The following DMRT1 variants were observed in gnomAD, a reference collection of about 807,000 sequenced individuals.
The protein encoded by DMRT1 is doublesex and mab-3 related transcription factor 1.
DMRT1 carries 7 observed loss-of-function variants against 32.3 expected under a neutral mutation model. That is an observed-to-expected ratio of 0.22 (90% CI 0.12 to 0.41). DMRT1 has a LOEUF of 0.41. Ranked by LOEUF, DMRT1 falls within the 10% of genes least tolerant of loss-of-function variation. The pLI, the probability that DMRT1 is intolerant of heterozygous loss-of-function variation, is 1.00. For missense variants in DMRT1, 625 were observed against 500.5 expected, an observed-to-expected ratio of 1.25 and a Z score of -2.37; for synonymous variants, 278 against 206.1, an observed-to-expected ratio of 1.35 and a Z score of -2.99.
At chr9:917,079 T>G (rs1818208735) in intron 4 of DMRT1, among the ~76,000 whole-genome samples, 172 bp downstream of exon 4, 1 of 152,242 alleles carries the variant, frequency 6.6e-6, no homozygotes, top group African/African-American at 2.4e-5. Context: ...ATGACTTTGC[T>G]ATGCTTGATT....
intron 4 of DMRT1, among the ~76,000 whole-genome samples, chr9:951,959 G>C (rs1316138051): frequency 6.6e-6 from 1 of 152,182 alleles, no homozygotes; most frequent in African/African-American, 2.4e-5. Context: ...TGCCTGTTTT[G>C]AGCTAAGGAG....
chr9:968,169 T>TG lies in DMRT1; in HGVS notation c.*32dup. Reference sequence around the variant, plus strand: ...TGCCTGCTGCCGATGGCGGTTCACTTGGAGTAACAGGCTTATTCCACTTTC... The same window carrying TG: ...TGCCTGCTGCCGATGGCGGTTCACTTGGGAGTAACAGGCTTATTCCACTTTC... On this transcript the variant is annotated 3_prime_UTR_variant, in exon 5 of 5. Coordinates refer to ENST00000382276, the MANE Select transcript of DMRT1 (RefSeq NM_021951.3). The TG allele has an allele frequency of 6.2e-7, 1 of 1,613,226 alleles. No individual in the cohort carries two copies. The highest frequency in any genetic ancestry group is 8.5e-7 in the Non-Finnish European group (1 of 1,179,826).
intron 4 of DMRT1, among the ~76,000 whole-genome samples, chr9:956,020 C>G (rs558997255): frequency 2.0e-5 from 3 of 152,280 alleles, no homozygotes; most frequent in Non-Finnish European, 4.4e-5. Flanking sequence ...GGATGCAACG[C>G]AAATGACCAT....
chr9:854,789 A>G (rs943188296), intron 2 of DMRT1, among the ~76,000 whole-genome samples: 1 of 87,254 alleles, frequency 1.1e-5, no homozygotes, highest in Non-Finnish European at 2.5e-5. Context: ...TTTTTGAAAC[A>G]GAGTCTCACT....
chr9:908,855 A>G (rs1175039959), intron 3 of DMRT1, among the ~76,000 whole-genome samples: 2 of 151,958 alleles, frequency 1.3e-5, no homozygotes, highest in African/African-American at 4.8e-5. Context: ...TCCTGGGCGC[A>G]TTTGGAGGGA....
chr9:922,886 T>C (rs1220433625), intron 4 of DMRT1, among the ~76,000 whole-genome samples: 1 of 145,104 alleles, frequency 6.9e-6, no homozygotes. Context: ...ATCTACATTT[T>C]ACCCAAAGGT....
intron 4 of DMRT1, among the ~76,000 whole-genome samples, chr9:930,475 G>A (rs554291406): frequency 2.6e-5 from 4 of 151,804 alleles, no homozygotes; most frequent in African/African-American, 7.3e-5. Context: ...GCAGTGGTGC[G>A]ATCTCGGCTC....
chr9:849,810 A>T (rs571859325), intron 2 of DMRT1, among the ~76,000 whole-genome samples: 2 of 126,886 alleles, frequency 1.6e-5, no homozygotes, highest in South Asian at 3.2e-4. Context: ...TCTGAGGACG[A>T]TGGGCTCTCT....
At chr9:858,017 A>C (rs1295592979) in intron 2 of DMRT1, among the ~76,000 whole-genome samples, 1 of 151,794 alleles carries the variant, frequency 6.6e-6, no homozygotes, top group Non-Finnish European at 1.5e-5. Context: ...TTCTTAATCC[A>C]GTCTATTATT....
intron 2 of DMRT1, among the ~76,000 whole-genome samples, chr9:859,961 G>T (rs932352073): frequency 6.6e-6 from 1 of 152,178 alleles, no homozygotes; most frequent in African/African-American, 2.4e-5. Context: ...AAAAATTGCC[G>T]TTAACTACCC....
At chr9:927,266 A>G (rs554586944) in intron 4 of DMRT1, among the ~76,000 whole-genome samples, 1 of 152,366 alleles carries the variant, frequency 6.6e-6, no homozygotes, top group Non-Finnish European at 1.5e-5. Flanking sequence ...GAGCAGGAAC[A>G]GTTAAGATTT....
intron 2 of DMRT1, among the ~76,000 whole-genome samples, chr9:864,128 C>T (rs989021363): frequency 8.5e-5 from 13 of 152,052 alleles, no homozygotes; most frequent in African/African-American, 3.1e-4. Flanking sequence ...GTAGGCCATT[C>T]TTCAGTCCAA....
chr9:943,005 A>T (rs894968074), intron 4 of DMRT1, among the ~76,000 whole-genome samples: 13 of 151,686 alleles, frequency 8.6e-5, no homozygotes, highest in Middle Eastern at 6.8e-3. Flanking sequence ...ACCCTATATG[A>T]TGCTGCTTAG....
At chr9:896,289 T>C (rs941001602) in intron 3 of DMRT1, among the ~76,000 whole-genome samples, 11 of 147,270 alleles carry the variant, frequency 7.5e-5, no homozygotes, top group Admixed American at 2.0e-4. Context: ...TCTTTTCTTT[T>C]TTTTTTTTTT....
chr9:865,450 A>G (rs2132592582), intron 2 of DMRT1, among the ~76,000 whole-genome samples: 1 of 152,230 alleles, frequency 6.6e-6, no homozygotes, highest in Admixed American at 6.5e-5. Flanking sequence ...TTAATTTTTC[A>G]TAAATATATA....
At position 886,090 on chromosome 9, in the gene DMRT1, C is replaced by T. The variant is rs1816917207; in HGVS notation, c.539-7822C>T. On this transcript the variant is annotated intron_variant, in intron 2 of 4. Coordinates refer to ENST00000382276, the MANE Select transcript of DMRT1 (RefSeq NM_021951.3). The stretch of plus-strand genomic sequence containing the variant: ...TAAAATGTTTCCCTTCAATATACTT[C>T]TGTGGTTGCTGTACTTAGTTGTATT... Among the ~76,000 whole-genome samples the T allele has an allele frequency of 2.0e-5, 3 of 152,176 alleles. No homozygotes were observed. The South Asian group carries it at 6.2e-4, about 32-fold the overall frequency.
chr9:895,506 T>G (rs1398639363), intron 3 of DMRT1, among the ~76,000 whole-genome samples: 1 of 152,234 alleles, frequency 6.6e-6, no homozygotes, highest in African/African-American at 2.4e-5. Context: ...TGCAAGTGTT[T>G]GACCCTCTTT....
intron 1 of DMRT1, 196 bp downstream of exon 1, chr9:842,388 C>T (rs1166414831): frequency 1.5e-6 from 1 of 673,634 alleles, no homozygotes; most frequent in South Asian, 2.0e-5. Flanking sequence ...GCGCACACCA[C>T]CATGCCCGGC....
rs780064237 is a variant in DMRT1, at chr9:842,230, G to GTTTTTTTTT, written c.354+53_354+61dup. The GTTTTTTTTT allele has an allele frequency of 2.8e-5, 35 of 1,267,056 alleles. 1 individual carries two copies. In the African/African-American group the frequency reaches 5.4e-4, roughly 19 times the overall value. 78.5% of individuals were successfully genotyped at this position (1,267,056 alleles called of 1,614,324 possible). A position where few individuals can be genotyped will look rare whatever the true frequency, so the allele number is the denominator to read the frequency against. On this transcript the variant is annotated intron_variant, in intron 1 of 4. Coordinates refer to ENST00000382276, the MANE Select transcript of DMRT1 (RefSeq NM_021951.3). ...GTGCGGGAGCCCGGGTTCAGCCTTA[G>GTTTTTTTTT]TTTTTTTTTTTTTTTTTTTTTTTAG...
Sources: gnomAD v4.1 joint callset for allele counts (sites outside exome capture counted in the v4.1 genomes callset) on GRCh38, gnomAD v4.1.1 for gene constraint, MANE v1.5 for transcripts, NCBI Gene and HGNC (gene_info 2026-07-23, HGNC 2026-07-21) for gene names.